The following CEP112 variants were observed in gnomAD, a reference collection of about 807,000 sequenced individuals.
CEP112 encodes centrosomal protein of 112 kDa.
In CEP112, 127 loss-of-function variants were observed where a neutral mutation model predicts 153.0. The ratio of observed to expected loss-of-function variants is 0.83; its 90% confidence interval spans 0.72 to 0.96. The LOEUF is 0.96. CEP112 is among the 40% of genes least tolerant of loss of function. CEP112 has a pLI of 0.00. For missense variants in CEP112, 1,089 were observed against 1,101.2 expected, an observed-to-expected ratio of 0.99 and a Z score of 0.16; for synonymous variants, 358 against 374.4, an observed-to-expected ratio of 0.96 and a Z score of 0.51.
chr17:65,830,041 C>G (rs561399571), intron 21 of CEP112, among the ~76,000 whole-genome samples: 1 of 152,236 alleles, frequency 6.6e-6, no homozygotes, highest in African/African-American at 2.4e-5. Context: ...ATTTTATTAA[C>G]TTTAGTGTTA....
At chr17:66,043,852 AG>A (rs1374406709) in intron 12 of CEP112, among the ~76,000 whole-genome samples, 1 of 152,224 alleles carries the variant, frequency 6.6e-6, no homozygotes, top group African/African-American at 2.4e-5. Flanking sequence ...TCAACAAAAA[AG>A]AAAAAAGCCT....
intron 21 of CEP112, among the ~76,000 whole-genome samples, chr17:65,828,029 T>C (rs2056913838): frequency 6.6e-6 from 1 of 152,178 alleles, no homozygotes; most frequent in Non-Finnish European, 1.5e-5. Flanking sequence ...ATAAGTTACT[T>C]ATGCAGCATG....
intron 23 of CEP112, among the ~76,000 whole-genome samples, chr17:65,707,542 G>A (rs886798040): frequency 1.3e-5 from 2 of 152,122 alleles, no homozygotes; most frequent in African/African-American, 4.8e-5. Context: ...TACAAGGTGT[G>A]GCTTCCACAT....
At position 65,953,591 on chromosome 17, in the gene CEP112, T is replaced by C. The variant is rs59419753; in HGVS notation, c.1872+7872A>G. ...ACCCTGATTGCCAGTTGCCTGGAAA[T>C]AGACTCGGTGCTGTTGGAAGGACAC... On this transcript the variant is annotated intron_variant, in intron 18 of 26. Coordinates refer to ENST00000535342, the MANE Select transcript of CEP112 (RefSeq NM_001199165.4). Among the ~76,000 whole-genome samples the C allele has an allele frequency of 9.9e-3, 1,504 of 152,242 alleles. 25 individuals carry two copies. The highest frequency in any genetic ancestry group is 0.035 in the African/African-American group (1,438 of 41,532).
At position 66,028,293 on chromosome 17, in the gene CEP112, T is replaced by C. The variant is rs758618024; in HGVS notation, c.1596+20A>G. On this transcript the variant is annotated intron_variant, in intron 15 of 26. Transcript: ENST00000535342. ...ACTGTGTTTGACCATTGTTCTTCTG[T>C]GTAGAAATACAAGACTCACCCTTAG... is the stretch of plus-strand genomic sequence containing the variant. 5 of 1,418,144 alleles carry C rather than the reference T, an allele frequency of 3.5e-6. No homozygotes were observed. The East Asian group carries it at 9.4e-5, about 27-fold the overall frequency. 87.8% of individuals were successfully genotyped at this position (1,418,144 alleles called of 1,614,324 possible).
At chr17:65,680,216 G>A (rs939761039) in intron 24 of CEP112, among the ~76,000 whole-genome samples, 2 of 152,080 alleles carry the variant, frequency 1.3e-5, no homozygotes, top group African/African-American at 4.8e-5. Flanking sequence ...ATAGCTGAGG[G>A]CCCAGAGAAG....
intron 23 of CEP112, among the ~76,000 whole-genome samples, chr17:65,702,577 T>C (rs1019273104): frequency 6.6e-6 from 1 of 152,142 alleles, no homozygotes; most frequent in African/African-American, 2.4e-5. Context: ...ATTGTTGTAA[T>C]TGTTCTATTT....
chr17:65,997,799 C>A (rs2028619), intron 17 of CEP112, among the ~76,000 whole-genome samples: 4,747 of 143,790 alleles, frequency 0.033, 81 homozygotes, highest in African/African-American at 0.049. Flanking sequence ...ATCCCCCCCC[C>A]CACACACACA....
At chr17:66,008,817 A>T (rs1199065263) in intron 16 of CEP112, among the ~76,000 whole-genome samples, 10 of 152,028 alleles carry the variant, frequency 6.6e-5, no homozygotes, top group Non-Finnish European at 1.0e-4. Flanking sequence ...CTTCCATGTT[A>T]TTGCAAATGA....
chr17:66,059,903 C>T (rs1442134382), intron 11 of CEP112, among the ~76,000 whole-genome samples: 3 of 152,032 alleles, frequency 2.0e-5, no homozygotes, highest in East Asian at 1.9e-4. Context: ...ACCTAGATGT[C>T]CATCGATGGT....
In CEP112 at chr17:65,970,391, T is replaced by TGCATGC. The variant is rs1485964856; in HGVS notation, c.1737-8794_1737-8793insGCATGC. Among the ~76,000 whole-genome samples the TGCATGC allele has an allele frequency of 4.0e-3, 228 of 56,428 alleles. 15 individuals are homozygous for TGCATGC. Among genetic ancestry groups the TGCATGC allele is most frequent in the Middle Eastern group, 0.01 (1 of 96 alleles). The allele number at this position is 56,428 out of a possible 152,430, so 37.0% of individuals were successfully genotyped here. A position where few individuals can be genotyped will look rare whatever the true frequency, so the allele number is the denominator to read the frequency against. On this transcript the variant is annotated intron_variant, in intron 17 of 26. Transcript: ENST00000535342. ...ACATGCACACATCATGCATATATAT[T>TGCATGC]ACATGCATGCACACATCATGCATGT...
chr17:65,960,192 G>C (rs1415968088), intron 18 of CEP112, among the ~76,000 whole-genome samples: 1 of 151,978 alleles, frequency 6.6e-6, no homozygotes, highest in African/African-American at 2.4e-5. Context: ...GCTTGAGTAG[G>C]GGAGCTGATA....
intron 20 of CEP112, among the ~76,000 whole-genome samples, chr17:65,853,039 T>C (rs1350680626): frequency 6.6e-6 from 1 of 152,218 alleles, no homozygotes; most frequent in Non-Finnish European, 1.5e-5. Context: ...GAAGTATGTT[T>C]CTTAATTCCC....
At chr17:65,722,731 T>C (rs17694530) in intron 23 of CEP112, among the ~76,000 whole-genome samples, 37,990 of 152,188 alleles carry the variant, frequency 0.25, 5,038 homozygotes, top group South Asian at 0.33. Flanking sequence ...GAGAACACGA[T>C]GTTTGAGAAC....
At chr17:65,826,021 C>T in intron 21 of CEP112, 1 of 968,170 alleles carries the variant, frequency 1.0e-6, no homozygotes, top group East Asian at 2.4e-5. Context: ...TCATCCCTGC[C>T]CTATCAAAAT....
intron 21 of CEP112, among the ~76,000 whole-genome samples, chr17:65,836,951 C>T (rs1055035285): frequency 1.2e-4 from 18 of 152,150 alleles, no homozygotes; most frequent in African/African-American, 4.1e-4. Context: ...TGCAGGTGCG[C>T]GCCGCCACGC....
At chr17:65,683,839 C>T (rs533610849) in intron 24 of CEP112, among the ~76,000 whole-genome samples, 127 of 152,216 alleles carry the variant, frequency 8.3e-4, no homozygotes, top group African/African-American at 2.8e-3. Context: ...GTCAGGAGCT[C>T]GAGACCAGCC....
chr17:65,766,538 T>C (rs34810542), intron 21 of CEP112, among the ~76,000 whole-genome samples: 18 of 152,130 alleles, frequency 1.2e-4, no homozygotes, highest in Middle Eastern at 3.4e-3. Context: ...AGTCCTTAAA[T>C]GTCAATAATT....
intron 21 of CEP112, among the ~76,000 whole-genome samples, chr17:65,761,261 T>G (rs2052597117): frequency 6.6e-6 from 1 of 151,848 alleles, no homozygotes; most frequent in Non-Finnish European, 1.5e-5. Context: ...TCTAATTCTT[T>G]TAAACTTTTT....
Sources: allele counts gnomAD v4.1 joint callset (sites outside exome capture counted in the v4.1 genomes callset), GRCh38; gene constraint gnomAD v4.1.1; transcripts MANE v1.5; gene names NCBI Gene and HGNC (gene_info 2026-07-23, HGNC 2026-07-21).